The following CTNNA3 variants were observed in gnomAD, a reference collection of about 807,000 sequenced individuals.
The protein encoded by CTNNA3 is catenin alpha 3.
CTNNA3 carries 76 observed loss-of-function variants against 95.7 expected under a neutral mutation model. The ratio of observed to expected loss-of-function variants is 0.79; its 90% CI spans 0.66 to 0.96. CTNNA3 has a LOEUF of 0.96. Ranked by LOEUF, CTNNA3 falls within the 40% of genes least tolerant of loss-of-function variation. CTNNA3 has a pLI of 0.00. For missense variants in CTNNA3, 1,191 were observed against 1,089.8 expected (o/e 1.09, Z -1.31); for synonymous variants, 431 against 374.4 (o/e 1.15, Z -1.74).
chr10:67,484,496 A>G (rs1848370253), intron 5 of CTNNA3, among the ~76,000 whole-genome samples: 1 of 152,230 alleles, frequency 6.6e-6, no homozygotes, highest in Non-Finnish European at 1.5e-5. Context: ...AAAGGAAATT[A>G]TCAACAGAGC....
chr10:65,967,860 G>A (rs577205683), intron 16 of CTNNA3, among the ~76,000 whole-genome samples: 1 of 152,182 alleles, frequency 6.6e-6, no homozygotes, highest in South Asian at 2.1e-4. Context: ...AATGTGGACA[G>A]TGATTTATAT....
chr10:67,694,528 T>C (rs183668204), intron 1 of CTNNA3, among the ~76,000 whole-genome samples: 26 of 152,240 alleles, frequency 1.7e-4, no homozygotes, highest in Non-Finnish European at 4.4e-5. Context: ...AACATACATA[T>C]ACACATAAGT....
At chr10:67,595,244 C>T (rs1270422375) in intron 3 of CTNNA3, among the ~76,000 whole-genome samples, 1 of 152,098 alleles carries the variant, frequency 6.6e-6, no homozygotes, top group Non-Finnish European at 1.5e-5. Context: ...AATTTGAGAG[C>T]CTTCTGCCTT....
intron 5 of CTNNA3, among the ~76,000 whole-genome samples, chr10:67,462,705 C>T (rs1564666785): frequency 3.9e-5 from 6 of 152,030 alleles, no homozygotes; most frequent in Admixed American, 3.3e-4. Context: ...AAAGGGAAGA[C>T]GTGGTGATCT....
intron 10 of CTNNA3, among the ~76,000 whole-genome samples, chr10:66,522,192 G>A (rs1841091286): frequency 6.6e-6 from 1 of 152,032 alleles, no homozygotes; most frequent in Non-Finnish European, 1.5e-5. Context: ...TTATCAGTTT[G>A]TAAACTGAAG....
chr10:66,755,184 T>C (rs1383317456), intron 9 of CTNNA3, among the ~76,000 whole-genome samples: 1 of 152,132 alleles, frequency 6.6e-6, no homozygotes. Context: ...GAAAACATTA[T>C]GCCAAGTGAA....
chr10:67,501,861 C>T (rs190994588), intron 5 of CTNNA3, among the ~76,000 whole-genome samples: 4 of 152,234 alleles, frequency 2.6e-5, no homozygotes, highest in African/African-American at 9.6e-5. Context: ...GTTAGCAATT[C>T]CTCTAACCTT....
intron 7 of CTNNA3, among the ~76,000 whole-genome samples, chr10:67,145,786 T>C (rs1860813026): frequency 6.6e-6 from 1 of 152,188 alleles, no homozygotes; most frequent in East Asian, 1.9e-4. Context: ...TATTTTTCAC[T>C]ATTATCCTAA....
At chr10:66,648,473 T>A (rs1845782677) in intron 9 of CTNNA3, among the ~76,000 whole-genome samples, 1 of 152,186 alleles carries the variant, frequency 6.6e-6, no homozygotes, top group African/African-American at 2.4e-5. Context: ...AAGATAGCTA[T>A]GAATTGTAGC....
At chr10:66,892,812 C>T (rs985120262) in intron 7 of CTNNA3, among the ~76,000 whole-genome samples, 3 of 152,030 alleles carry the variant, frequency 2.0e-5, no homozygotes, top group African/African-American at 7.2e-5. Flanking sequence ...AGCACAATTC[C>T]CTTTCAAGAG....
chr10:66,522,548 G>A (rs765954780), intron 10 of CTNNA3, among the ~76,000 whole-genome samples: 2 of 151,594 alleles, frequency 1.3e-5, no homozygotes, highest in Non-Finnish European at 2.9e-5. Context: ...CTTTCCTGCC[G>A]CTACGTAAAG....
At chr10:67,068,184 G>T (rs1856207874) in intron 7 of CTNNA3, among the ~76,000 whole-genome samples, 1 of 152,042 alleles carries the variant, frequency 6.6e-6, no homozygotes, top group Admixed American at 6.6e-5. Flanking sequence ...AAGGGGGGAA[G>T]GATATATAAT....
intron 5 of CTNNA3, among the ~76,000 whole-genome samples, chr10:67,413,277 CTTCATTCATTCATCA>C (rs141964226): frequency 0.064 from 9,768 of 152,080 alleles, 396 homozygotes; most frequent in South Asian, 0.12. Flanking sequence ...ATCATTCATT[CTTCATTCATTCATCA>C]TTCATTCATT....
chr10:67,095,180 T>C (rs989279033), intron 7 of CTNNA3, among the ~76,000 whole-genome samples: 1 of 151,772 alleles, frequency 6.6e-6, no homozygotes, highest in Admixed American at 6.6e-5. Flanking sequence ...CAGATATGGC[T>C]AGCTGTTACA....
chr10:66,549,649 C>A (rs1158085728), intron 10 of CTNNA3, among the ~76,000 whole-genome samples: 1 of 152,144 alleles, frequency 6.6e-6, no homozygotes, highest in Non-Finnish European at 1.5e-5. Flanking sequence ...ATTACCTTAG[C>A]TTTTCCTACA....
At chr10:67,504,638 T>A (rs1839377389) in intron 5 of CTNNA3, among the ~76,000 whole-genome samples, 1 of 152,108 alleles carries the variant, frequency 6.6e-6, no homozygotes, top group Non-Finnish European at 1.5e-5. Context: ...ACCTTACTTA[T>A]CACACATTGG....
chr10:67,681,608 T>G (rs975320441), intron 1 of CTNNA3, among the ~76,000 whole-genome samples: 1 of 152,028 alleles, frequency 6.6e-6, no homozygotes, highest in Non-Finnish European at 1.5e-5. Context: ...AAGTGGAAAT[T>G]TTTATGTATA....
At chr10:67,124,621 T>C (rs912124630) in intron 7 of CTNNA3, among the ~76,000 whole-genome samples, 1 of 152,132 alleles carries the variant, frequency 6.6e-6, no homozygotes, top group Non-Finnish European at 1.5e-5. Context: ...GTGTTCGAAA[T>C]TTTACAGTAA....
At chr10:67,155,322 G>C (rs1462077080) in intron 7 of CTNNA3, among the ~76,000 whole-genome samples, 1 of 152,070 alleles carries the variant, frequency 6.6e-6, no homozygotes, top group Non-Finnish European at 1.5e-5. Context: ...ACTACAAAGT[G>C]GTTGTTAATT....
Sources: allele counts gnomAD v4.1 joint callset (sites outside exome capture counted in the v4.1 genomes callset), GRCh38; gene constraint gnomAD v4.1.1; transcripts MANE v1.5; gene names NCBI Gene and HGNC (gene_info 2026-07-23, HGNC 2026-07-21).